MATN2: variants seen among roughly 807,000 people sequenced by gnomAD.
MATN2 encodes the protein matrilin 2, also known as matrilin-2.
Under a neutral mutation model 103.2 loss-of-function variants are expected in MATN2, and 69 were observed. That is an observed-to-expected ratio of 0.67 (90% CI 0.55 to 0.82). The LOEUF is 0.82. Ranked by LOEUF, MATN2 falls within the 40% of genes least tolerant of loss-of-function variation. MATN2 has a pLI of 0.00. For missense variants in MATN2, 1,023 were observed against 1,211.5 expected (o/e 0.84, Z 2.31); for synonymous variants, 429 against 450.2 (o/e 0.95, Z 0.60).
chr8:97,880,979 G>A (rs921068025), intron 1 of MATN2, among the ~76,000 whole-genome samples: 1 of 152,204 alleles, frequency 6.6e-6, no homozygotes, highest in Non-Finnish European at 1.5e-5. Context: ...CCTTGGAGAG[G>A]TCTTTCCACC....
chr8:97,973,160 C>T (rs1277286218), intron 5 of MATN2, among the ~76,000 whole-genome samples: 1 of 152,170 alleles, frequency 6.6e-6, no homozygotes, highest in Admixed American at 6.5e-5. Context: ...CCTCATCTGC[C>T]GTCTCCAGAA....
chr8:97,959,501 C>T (rs1382301411), intron 4 of MATN2, among the ~76,000 whole-genome samples: 1 of 152,140 alleles, frequency 6.6e-6, no homozygotes, highest in African/African-American at 2.4e-5. Context: ...GGGTGTTTTC[C>T]TTACATCTGA....
chr8:97,892,547 G>A (rs568807963), intron 2 of MATN2, among the ~76,000 whole-genome samples: 13 of 151,992 alleles, frequency 8.6e-5, no homozygotes, highest in Admixed American at 2.6e-4. Context: ...AAATGTTTTC[G>A]TTAGATTATA....
At chr8:97,918,385 G>A (rs1447772089) in intron 2 of MATN2, among the ~76,000 whole-genome samples, 1 of 152,202 alleles carries the variant, frequency 6.6e-6, no homozygotes, top group Non-Finnish European at 1.5e-5. Context: ...CCTGAGCCAG[G>A]CATCGATGAA....
intron 5 of MATN2, among the ~76,000 whole-genome samples, chr8:97,976,647 A>T (rs1302161744): frequency 3.3e-5 from 5 of 152,062 alleles, no homozygotes; most frequent in African/African-American, 1.2e-4. Flanking sequence ...CATTGTAGGG[A>T]GTACTTTTTT....
At chr8:97,929,597 C>CAAA (rs1375288630) in intron 2 of MATN2, among the ~76,000 whole-genome samples, 1 of 152,216 alleles carries the variant, frequency 6.6e-6, no homozygotes, top group African/African-American at 2.4e-5. Flanking sequence ...CAAACCTTTA[C>CAAA]AGTCTTCTTG....
At chr8:98,026,828 G>T (rs1399701391) in intron 13 of MATN2, among the ~76,000 whole-genome samples, 2 of 152,176 alleles carry the variant, frequency 1.3e-5, no homozygotes, top group Admixed American at 1.3e-4. Context: ...TGGTGTTAGG[G>T]ATTGTGTCTT....
chr8:97,940,633 G>A (rs1027339504), intron 3 of MATN2, among the ~76,000 whole-genome samples: 1 of 152,166 alleles, frequency 6.6e-6, no homozygotes, highest in Non-Finnish European at 1.5e-5. Flanking sequence ...GCTTTTGAGA[G>A]CTCCTTTTAT....
At chr8:97,922,330 C>T (rs186454216) in intron 2 of MATN2, among the ~76,000 whole-genome samples, 41 of 152,342 alleles carry the variant, frequency 2.7e-4, no homozygotes, top group African/African-American at 9.4e-4. Flanking sequence ...GGCAGCCCTC[C>T]CTCATGAGTG....
At chr8:98,027,887 C>T (rs749516523) in intron 14 of MATN2, 58 bp downstream of exon 14, 94 of 1,486,860 alleles carry the variant, frequency 6.3e-5, no homozygotes, top group Non-Finnish European at 8.1e-5. Flanking sequence ...CTTAAACTCA[C>T]TCAGTGGTCT....
intron 7 of MATN2, among the ~76,000 whole-genome samples, chr8:97,999,954 C>T (rs1812725727): frequency 6.6e-6 from 1 of 151,258 alleles, no homozygotes; most frequent in Non-Finnish European, 1.5e-5. Flanking sequence ...GATCTTGGCT[C>T]ACTGCAACCT....
rs1260681286 is a variant in MATN2 at position 98,019,174 on chromosome 8, A to G, written c.1819+1058A>G. ...TATATGTATACTATGGTCTGTTTCT[A>G]TCTTCTATTAATATATCATCTCCAC... On this transcript the variant is annotated intron_variant, in intron 12 of 18. Transcript: ENST00000254898. Among the ~76,000 whole-genome samples the G allele has an allele frequency of 3.3e-5, 5 of 151,594 alleles. No individual in the cohort carries two copies. In the East Asian group the frequency reaches 5.8e-4, roughly 18 times the overall value.
intron 1 of MATN2, among the ~76,000 whole-genome samples, chr8:97,878,770 G>GA (rs1429408653): frequency 6.6e-6 from 1 of 151,982 alleles, no homozygotes; most frequent in Non-Finnish European, 1.5e-5. Context: ...AGAGTCACTT[G>GA]AATCTAGGAG....
intron 5 of MATN2, among the ~76,000 whole-genome samples, chr8:97,968,976 C>G (rs1563697852): frequency 6.6e-6 from 1 of 152,266 alleles, no homozygotes; most frequent in African/African-American, 2.4e-5. Context: ...GTTTAATTGG[C>G]TCACAGTTCT....
chr8:97,939,263 AAC>A (rs1174020046), intron 3 of MATN2, among the ~76,000 whole-genome samples: 1 of 152,126 alleles, frequency 6.6e-6, no homozygotes, highest in Non-Finnish European at 1.5e-5. Flanking sequence ...AAACTTACCT[AAC>A]ACATGTTTTC....
intron 2 of MATN2, among the ~76,000 whole-genome samples, chr8:97,928,105 T>C (rs1267021414): frequency 1.3e-5 from 2 of 152,078 alleles, no homozygotes; most frequent in African/African-American, 4.8e-5. Context: ...GTCTTGGGAA[T>C]GCTCCCCCTT....
chr8:97,920,308 A>G (rs1289863071), intron 2 of MATN2, among the ~76,000 whole-genome samples: 3 of 152,098 alleles, frequency 2.0e-5, no homozygotes, highest in African/African-American at 7.2e-5. Flanking sequence ...TCCATGTTCA[A>G]GTGATTCTCC....
At chr8:97,874,958 T>G (rs925241492) in intron 1 of MATN2, among the ~76,000 whole-genome samples, 3 of 151,968 alleles carry the variant, frequency 2.0e-5, no homozygotes, top group Admixed American at 2.0e-4. Context: ...CCTTGTGATC[T>G]GTCCGCCTCG....
In MATN2 at chr8:97,996,030, A is replaced by G. The variant is rs1342782969; in HGVS notation, c.1204+1428A>G. On this transcript the variant is annotated intron_variant, in intron 7 of 18. Coordinates refer to ENST00000254898, the MANE Select transcript of MATN2 (RefSeq NM_002380.5). ...TTTGCTAGGAGTGGGTGTGTGAGGGACTGGCTGCACCCAGGGGAAATCACT... is the reference window on the plus strand; with the variant it reads ...TTTGCTAGGAGTGGGTGTGTGAGGGGCTGGCTGCACCCAGGGGAAATCACT... Among the ~76,000 whole-genome samples, 8 of 152,158 alleles carry G rather than the reference A, an allele frequency of 5.3e-5. No homozygotes were observed. In the East Asian group the frequency reaches 1.3e-3, roughly 26 times the overall value.
Sources: gnomAD v4.1 joint callset for allele counts (sites outside exome capture counted in the v4.1 genomes callset) on GRCh38, gnomAD v4.1.1 for gene constraint, MANE v1.5 for transcripts, NCBI Gene and HGNC (gene_info 2026-07-23, HGNC 2026-07-21) for gene names.